The following CCDC146 variants were observed in gnomAD, a reference collection of about 807,000 sequenced individuals.
CCDC146 encodes coiled-coil domain-containing protein 146.
In CCDC146, 92 loss-of-function variants were observed where a neutral mutation model predicts 119.3. The ratio of observed to expected loss-of-function variants is 0.77; its 90% CI spans 0.65 to 0.92. The LOEUF is 0.92. Among genes scored for constraint, CCDC146 ranks in the 40% least tolerant of loss-of-function variants. The probability of loss-of-function intolerance (pLI) is 0.00; values close to 1 mark genes in which losing one functional copy is unlikely to be tolerated. For synonymous variants in CCDC146, 372 were observed against 371.8 expected (o/e 1.00, Z -0.01); for missense variants, 1,000 against 1,103.0 (o/e 0.91, Z 1.32).
rs373734591 is a variant in CCDC146 at position 77,280,443 on chromosome 7, C to A, written c.1709C>A (p.Ser570Tyr). 2.5e-6 allele frequency: 4 copies of A among 1,609,956 alleles called. No individual in the cohort carries two copies. Among genetic ancestry groups the A allele is most frequent in the Middle Eastern group, 1.7e-4 (1 of 6,046 alleles). Residue 570 changes from serine (S) to tyrosine (Y), a missense_variant, in exon 14 of 19, where the codon TCC (serine) becomes TAC (tyrosine). Ser to Tyr is a moderately radical substitution (Grantham distance 144). Coordinates refer to ENST00000285871, the MANE Select transcript of CCDC146 (RefSeq NM_020879.3). ...TACTTTAAAAGAAAGCTACAAAATT[C>A]CATGCTGAAACACGCCAACAATGTT... ...AVSQERKLQN[S>Y]MLKHANNVTI...
At chr7:77,249,380 C>G (rs772313361) in intron 4 of CCDC146, among the ~76,000 whole-genome samples, 1 of 151,010 alleles carries the variant, frequency 6.6e-6, no homozygotes, top group Non-Finnish European at 1.5e-5. Context: ...CCCAGCTACT[C>G]GGGAGGCTGA....
intron 2 of CCDC146, among the ~76,000 whole-genome samples, chr7:77,207,557 A>G (rs1264411569): frequency 1.3e-5 from 2 of 152,248 alleles, no homozygotes; most frequent in East Asian, 3.8e-4. Context: ...TGTCAGTCAT[A>G]TATAAATATA....
chr7:77,198,435 G>C, intron 2 of CCDC146: 14 of 330,032 alleles, frequency 4.2e-5, no homozygotes, highest in Non-Finnish European at 6.1e-5. Flanking sequence ...CTGTTAGTTC[G>C]TGGGTGGAGT....
intron 1 of CCDC146, among the ~76,000 whole-genome samples, chr7:77,161,977 C>T (rs1791269897): frequency 6.6e-6 from 1 of 151,978 alleles, no homozygotes; most frequent in Non-Finnish European, 1.5e-5. Flanking sequence ...AGCTCCATTA[C>T]CCATTTTTTA....
intron 11 of CCDC146, among the ~76,000 whole-genome samples, chr7:77,278,300 T>A (rs1793690008): frequency 6.6e-6 from 1 of 152,176 alleles, no homozygotes; most frequent in Non-Finnish European, 1.5e-5. Context: ...TTTTCTCTTC[T>A]CTCGTTTGTT....
chr7:77,156,531 T>C (rs894112302), intron 1 of CCDC146, among the ~76,000 whole-genome samples: 1 of 152,026 alleles, frequency 6.6e-6, no homozygotes, highest in Non-Finnish European at 1.5e-5. Context: ...AAAAAAAGCA[T>C]CTCCATAAAT....
At chr7:77,274,451 TTATAA>T in intron 10 of CCDC146, 26 bp from the exon 11 acceptor site, 1 of 1,349,636 alleles carries the variant, frequency 7.4e-7, no homozygotes. Context: ...AACAAATAAC[TTATAA>T]TATTATCTGT....
intron 1 of CCDC146, among the ~76,000 whole-genome samples, chr7:77,165,287 G>A (rs1185580444): frequency 2.6e-5 from 4 of 152,044 alleles, no homozygotes; most frequent in African/African-American, 9.7e-5. Context: ...TCTCAGAGGG[G>A]CCCTGCACTT....
intron 2 of CCDC146, among the ~76,000 whole-genome samples, chr7:77,234,739 G>GA (rs772690631): frequency 2.1e-4 from 32 of 150,760 alleles, no homozygotes; most frequent in Admixed American, 6.6e-4. Flanking sequence ...CATCTCTGGG[G>GA]AAAAAAAAAG....
At chr7:77,241,571 A>C in intron 3 of CCDC146, 120 bp from the exon 4 acceptor site, 1 of 801,000 alleles carries the variant, frequency 1.2e-6, no homozygotes, top group South Asian at 1.7e-5. Flanking sequence ...TGGCACAAAA[A>C]TGTCCCAGAG....
At chr7:77,154,418 TTTACA>T (rs1791149951) in intron 1 of CCDC146, among the ~76,000 whole-genome samples, 2 of 152,190 alleles carry the variant, frequency 1.3e-5, no homozygotes, top group African/African-American at 4.8e-5. Flanking sequence ...TAACTCATCA[TTTACA>T]TTAGGTATAT....
intron 2 of CCDC146, among the ~76,000 whole-genome samples, chr7:77,171,524 A>G (rs908156521): frequency 3.9e-5 from 6 of 152,024 alleles, no homozygotes; most frequent in Non-Finnish European, 5.9e-5. Flanking sequence ...GCTCCCTGCC[A>G]CCTCCAGACT....
At chr7:77,232,436 C>T (rs1792648862) in intron 2 of CCDC146, among the ~76,000 whole-genome samples, 1 of 152,206 alleles carries the variant, frequency 6.6e-6, no homozygotes, top group Admixed American at 6.5e-5. Flanking sequence ...TAAACTTCTG[C>T]TGGTCTGCAT....
chr7:77,143,283 T>A (rs1168858311), intron 1 of CCDC146, among the ~76,000 whole-genome samples: 1 of 151,780 alleles, frequency 6.6e-6, no homozygotes, highest in Non-Finnish European at 1.5e-5. Context: ...TTCTTATAAA[T>A]TTGTTTGAGT....
In CCDC146 at chr7:77,248,915, A is replaced by G. The variant is rs544092219; in HGVS notation, c.450-5591A>G. 2.6e-5 allele frequency among the ~76,000 whole-genome samples: 4 copies of G among 152,276 alleles called. 1 individual carries two copies. The South Asian group carries it at 8.3e-4, about 32-fold the overall frequency. On this transcript the variant is annotated intron_variant, in intron 4 of 18. Transcript: ENST00000285871. ...TTCCCATTCACTGTCTGTACTTTCTAATGTTTTTATTTCTTTTGTTTGTTA... is the reference window on the plus strand; with the variant it reads ...TTCCCATTCACTGTCTGTACTTTCTGATGTTTTTATTTCTTTTGTTTGTTA...
In CCDC146 at chr7:77,158,015, A is replaced by G. The variant is rs115430980; in HGVS notation, c.-11-9643A>G. Among the ~76,000 whole-genome samples, 731 of 152,242 alleles carry G rather than the reference A, an allele frequency of 4.8e-3. 8 individuals carry two copies. Among genetic ancestry groups the G allele is most frequent in the African/African-American group, 0.016 (685 of 41,546 alleles). Reference sequence around the variant, plus strand: ...ACACATTTTCCAAGCCATTCTTCTCAGCAATATTGTCAGCAATATCTTTAC... The same window carrying G: ...ACACATTTTCCAAGCCATTCTTCTCGGCAATATTGTCAGCAATATCTTTAC... On this transcript the variant is annotated intron_variant, in intron 1 of 18. Coordinates refer to ENST00000285871, the MANE Select transcript of CCDC146 (RefSeq NM_020879.3).
At chr7:77,168,364 T>C (rs1165103380) in intron 2 of CCDC146, among the ~76,000 whole-genome samples, 2 of 151,926 alleles carry the variant, frequency 1.3e-5, no homozygotes, top group African/African-American at 4.8e-5. Context: ...GTTTTTTTTT[T>C]TTTAAGTAAT....
intron 8 of CCDC146, 141 bp from the exon 9 acceptor site, chr7:77,261,980 T>C: frequency 1.6e-6 from 1 of 636,996 alleles, no homozygotes; most frequent in Admixed American, 3.1e-5. Flanking sequence ...GATTGCTGGG[T>C]CAAACGGTAG....
At chr7:77,163,167 G>C (rs920571317) in intron 1 of CCDC146, among the ~76,000 whole-genome samples, 2 of 152,132 alleles carry the variant, frequency 1.3e-5, no homozygotes, top group African/African-American at 4.8e-5. Flanking sequence ...AGATTTCAAG[G>C]CCAGGCGTGG....
Sources: allele counts gnomAD v4.1 joint callset (sites outside exome capture counted in the v4.1 genomes callset), GRCh38; gene constraint gnomAD v4.1.1; transcripts MANE v1.5; gene names NCBI Gene and HGNC (gene_info 2026-07-23, HGNC 2026-07-21).